Variants in PTPRD observed in about 807,000 individuals in gnomAD.
The protein encoded by PTPRD is receptor-type tyrosine-protein phosphatase delta.
Under a neutral mutation model 214.5 loss-of-function variants are expected in PTPRD, and 34 were observed. The observed-to-expected ratio is 0.16, with a 90% CI of 0.12 to 0.21. The LOEUF is 0.21. Ranked by LOEUF, PTPRD falls within the 10% of genes least tolerant of loss-of-function variation. PTPRD has a pLI of 1.00. For missense variants in PTPRD, 2,545 were observed against 2,398.7 expected (o/e 1.06, Z -1.27); for synonymous variants, 1,128 against 845.7 (o/e 1.33, Z -5.79).
chr9:8,986,371 A>T (rs886511560), intron 11 of PTPRD, among the ~76,000 whole-genome samples: 2 of 152,036 alleles, frequency 1.3e-5, no homozygotes, highest in African/African-American at 2.4e-5. Flanking sequence ...AAGAAAACAG[A>T]ACCACTAAAA....
At chr9:8,535,979 C>T (rs1032464025) in intron 14 of PTPRD, among the ~76,000 whole-genome samples, 1 of 151,914 alleles carries the variant, frequency 6.6e-6, no homozygotes, top group African/African-American at 2.4e-5. Flanking sequence ...ATGCAAAGCA[C>T]TATAATGCCC....
intron 9 of PTPRD, among the ~76,000 whole-genome samples, chr9:9,381,455 G>T (rs564704090): frequency 4.9e-4 from 74 of 150,966 alleles, no homozygotes; most frequent in African/African-American, 1.6e-3. Context: ...TGACCTCTTG[G>T]GCTCAAGTAA....
chr9:8,378,602 AT>A (rs1397865646), intron 37 of PTPRD, among the ~76,000 whole-genome samples: 6 of 152,098 alleles, frequency 3.9e-5, no homozygotes, highest in Non-Finnish European at 8.8e-5. Flanking sequence ...CAAATTCATC[AT>A]TTAACAGTCT....
Position 9,544,398 on chromosome 9 carries a change from C to T in PTPRD, c.-237+30334G>A, listed in dbSNP as rs898051047. On this transcript the variant is annotated intron_variant, in intron 8 of 45. Transcript: ENST00000381196. The stretch of plus-strand genomic sequence containing the variant: ...TGTATAAATATTTTAAGTCCGACTT[C>T]ATTTTGATTTTTTAGGTACATATGA... Among the ~76,000 whole-genome samples, 4 of 151,654 alleles carry T rather than the reference C, an allele frequency of 2.6e-5. No individual in the cohort carries two copies. In the South Asian group the frequency reaches 8.3e-4, roughly 31 times the overall value.
chr9:8,886,093 T>A (rs2098485136), intron 11 of PTPRD, among the ~76,000 whole-genome samples: 1 of 152,178 alleles, frequency 6.6e-6, no homozygotes, highest in South Asian at 2.1e-4. Context: ...AAGAGATTTG[T>A]GTCTACAAGA....
At chr9:8,952,414 C>T (rs562820773) in intron 11 of PTPRD, among the ~76,000 whole-genome samples, 1 of 152,092 alleles carries the variant, frequency 6.6e-6, no homozygotes, top group Non-Finnish European at 1.5e-5. Context: ...ATTAGCAACA[C>T]AATCTGTATG....
intron 8 of PTPRD, among the ~76,000 whole-genome samples, chr9:9,428,704 T>C (rs948744767): frequency 6.6e-5 from 10 of 152,126 alleles, no homozygotes; most frequent in Admixed American, 3.3e-4. Context: ...ACAAACTGTC[T>C]CTCAGACCAC....
chr9:9,430,892 A>G (rs943030774), intron 8 of PTPRD, among the ~76,000 whole-genome samples: 6 of 152,232 alleles, frequency 3.9e-5, no homozygotes, highest in Non-Finnish European at 5.9e-5. Flanking sequence ...CACCTTATAC[A>G]AAAATTAATT....
chr9:8,633,774 G>A (rs963380990), intron 13 of PTPRD, among the ~76,000 whole-genome samples: 1 of 151,922 alleles, frequency 6.6e-6, no homozygotes, highest in African/African-American at 2.4e-5. Context: ...TTTTGCAAGA[G>A]GCTTGCAGCT....
intron 7 of PTPRD, among the ~76,000 whole-genome samples, chr9:9,680,222 C>G (rs1479853955): frequency 6.6e-6 from 1 of 151,658 alleles, no homozygotes; most frequent in African/African-American, 2.4e-5. Context: ...GATAAAAAAG[C>G]CTTTATCTTT....
chr9:9,523,221 G>C (rs76823940), intron 8 of PTPRD, among the ~76,000 whole-genome samples: 4 of 152,048 alleles, frequency 2.6e-5, no homozygotes, highest in Non-Finnish European at 4.4e-5. Context: ...TGGATAATTG[G>C]TACTTTAGGC....
At chr9:8,831,248 T>C (rs369668451) in intron 11 of PTPRD, among the ~76,000 whole-genome samples, 6 of 152,228 alleles carry the variant, frequency 3.9e-5, no homozygotes, top group African/African-American at 1.4e-4. Context: ...TCAGACATTC[T>C]CTTTTCTGAT....
chr9:10,315,715 T>C (rs2096403323), intron 3 of PTPRD, among the ~76,000 whole-genome samples: 2 of 151,970 alleles, frequency 1.3e-5, no homozygotes, highest in Middle Eastern at 3.2e-3. Flanking sequence ...ATTAGCCCTT[T>C]ACAGTTCCGC....
intron 3 of PTPRD, among the ~76,000 whole-genome samples, chr9:10,266,734 G>T (rs548586489): frequency 1.3e-4 from 19 of 151,760 alleles, no homozygotes; most frequent in South Asian, 2.1e-4. Flanking sequence ...TGCATTGCAG[G>T]CTAATTTTAG....
At chr9:10,350,944 G>A (rs2097171222) in intron 2 of PTPRD, among the ~76,000 whole-genome samples, 2 of 152,100 alleles carry the variant, frequency 1.3e-5, no homozygotes, top group South Asian at 4.1e-4. Context: ...ATATAAAAAA[G>A]AAAGTACAGT....
At chr9:9,151,640 T>C (rs12003392) in intron 10 of PTPRD, among the ~76,000 whole-genome samples, 15,940 of 152,206 alleles carry the variant, frequency 0.1, 1,108 homozygotes, top group African/African-American at 0.19. Flanking sequence ...TCTTGGAAGA[T>C]TAATTTTAGA....
chr9:8,881,065 C>T lies in PTPRD; in HGVS notation c.-104+137632G>A, dbSNP rs565976409. 4.6e-5 allele frequency among the ~76,000 whole-genome samples: 7 copies of T among 152,294 alleles called. No individual in the cohort carries two copies. In the East Asian group the frequency reaches 7.7e-4, roughly 17 times the overall value. On this transcript the variant is annotated intron_variant, in intron 11 of 45. Transcript: ENST00000381196. ...TATAGGTGTGAGCCACCGTACCTGG[C>T]CTCAAAGGTAATTTCTGATATGCAG...
At chr9:8,617,967 G>C (rs918324849) in intron 14 of PTPRD, among the ~76,000 whole-genome samples, 14 of 152,018 alleles carry the variant, frequency 9.2e-5, no homozygotes, top group African/African-American at 3.4e-4. Context: ...GAAACTGGTA[G>C]GTTGTCCCAC....
chr9:10,536,019 T>A (rs1440964466), intron 2 of PTPRD, among the ~76,000 whole-genome samples: 1 of 151,690 alleles, frequency 6.6e-6, no homozygotes, highest in Non-Finnish European at 1.5e-5. Context: ...TATAAAAGAG[T>A]TTTTTTCCAG....
Sources: gnomAD v4.1 joint callset for allele counts (sites outside exome capture counted in the v4.1 genomes callset) on GRCh38, gnomAD v4.1.1 for gene constraint, MANE v1.5 for transcripts, NCBI Gene and HGNC (gene_info 2026-07-23, HGNC 2026-07-21) for gene names.